The following DENND2A variants were observed in gnomAD, a reference collection of about 807,000 sequenced individuals.
DENND2A encodes DENN domain containing 2A.
DENND2A carries 53 observed loss-of-function variants against 105.3 expected under a neutral mutation model. The observed-to-expected ratio is 0.50, with a 90% confidence interval of 0.40 to 0.63. DENND2A has a LOEUF of 0.63. Ranked by LOEUF, DENND2A falls within the 30% of genes least tolerant of loss-of-function variation. The pLI, the probability that DENND2A is intolerant of heterozygous loss-of-function variation, is 0.00. For missense variants in DENND2A, 1,138 were observed against 1,279.6 expected, an observed-to-expected ratio of 0.89 and a Z score of 1.69; for synonymous variants, 522 against 508.4, an observed-to-expected ratio of 1.03 and a Z score of -0.36.
intron 5 of DENND2A, 62 bp from the exon 6 acceptor site, chr7:140,574,070 C>G: frequency 6.3e-7 from 1 of 1,575,468 alleles, no homozygotes; most frequent in Non-Finnish European, 8.7e-7. Context: ...CGGGGGATAA[C>G]TGGTGGTGCC....
chr7:140,567,065 G>A (rs1797867834), intron 9 of DENND2A, 21 bp downstream of exon 9: 1 of 1,551,362 alleles, frequency 6.4e-7, no homozygotes. Flanking sequence ...GCAGGCCACA[G>A]GGACCTGGCC....
chr7:140,521,820 G>C, intron 18 of DENND2A, 35 bp downstream of exon 18: 2 of 1,609,330 alleles, frequency 1.2e-6, no homozygotes, highest in South Asian at 1.1e-5. Flanking sequence ...GGGAGCTCTA[G>C]CTGACTCGGC....
intron 6 of DENND2A, among the ~76,000 whole-genome samples, chr7:140,570,188 C>T (rs1216997688): frequency 6.6e-6 from 1 of 152,184 alleles, no homozygotes; most frequent in South Asian, 2.1e-4. Context: ...AGCCACCGCA[C>T]CCAGCCCAGT....
intron 3 of DENND2A, among the ~76,000 whole-genome samples, chr7:140,590,590 C>A (rs1355795503): frequency 6.6e-6 from 1 of 152,110 alleles, no homozygotes; most frequent in Non-Finnish European, 1.5e-5. Flanking sequence ...TCAGGCCAGA[C>A]ACAGTGGCTC....
At chr7:140,634,023 G>C (rs1478152686) in intron 1 of DENND2A, among the ~76,000 whole-genome samples, 17 of 147,472 alleles carry the variant, frequency 1.2e-4, no homozygotes, top group Admixed American at 1.4e-4. Flanking sequence ...TTCCGAGACA[G>C]AGTCTCGCTC....
chr7:140,561,023 A>AT lies in DENND2A; in HGVS notation c.1780-1207dup, dbSNP rs923509588. ...TTTTGCTTATGAACAGAAATTTGTG[A>AT]TTTTTTTTCTTTCTATGTATAAATA... On this transcript the variant is annotated intron_variant, in intron 9 of 19. Transcript: ENST00000496613. 8.2e-4 allele frequency among the ~76,000 whole-genome samples: 125 copies of AT among 151,934 alleles called. 1 individual carries two copies. Among genetic ancestry groups the AT allele is most frequent in the Middle Eastern group, 6.8e-3 (2 of 294 alleles).
At chr7:140,626,428 CGG>C (rs2130730448) in intron 1 of DENND2A, among the ~76,000 whole-genome samples, 1 of 152,282 alleles carries the variant, frequency 6.6e-6, no homozygotes, top group South Asian at 2.1e-4. Context: ...AAGGACCACC[CGG>C]TGTGATCTGT....
At position 140,602,391 on chromosome 7, in the gene DENND2A, T is replaced by C; in HGVS notation, c.7A>G (p.Met3Val). The C allele has an allele frequency of 1.3e-6, 2 of 1,565,578 alleles. No homozygotes were observed. The highest frequency in any genetic ancestry group is 1.7e-6 in the Non-Finnish European group (2 of 1,159,038). MDMFSLDMIISDP... is the reference protein window; with the variant it reads MDVFSLDMIISDP... ...CTGATGATCATATCCAAGCTGAACATATCCATTCTTGACTCTAGCGTGAGG... is the reference window on the plus strand; with the variant it reads ...CTGATGATCATATCCAAGCTGAACACATCCATTCTTGACTCTAGCGTGAGG... The change falls in exon 3 of 20, where the codon ATG becomes GTG. Residue 3 changes from methionine to valine, a missense_variant. This residue lies in a region of DENND2A where 511 missense variants were observed against 499.9 expected (regional missense o/e 1.02). Coordinates refer to ENST00000496613, the MANE Select transcript of DENND2A (RefSeq NM_015689.5).
chr7:140,632,149 C>T (rs1383830911), intron 1 of DENND2A, among the ~76,000 whole-genome samples: 2 of 152,082 alleles, frequency 1.3e-5, no homozygotes, highest in Admixed American at 1.3e-4. Flanking sequence ...ACATGAAATG[C>T]CAAATAAAAT....
At chr7:140,629,074 T>C (rs1295310261) in intron 1 of DENND2A, among the ~76,000 whole-genome samples, 1 of 152,194 alleles carries the variant, frequency 6.6e-6, no homozygotes, top group Non-Finnish European at 1.5e-5. Flanking sequence ...AGGGAATGCC[T>C]GACACGCCCT....
chr7:140,555,645 G>A lies in DENND2A; in HGVS notation c.2028C>T (p.Leu676=). ...AGGTCCAAGTTCTCACCCTTGAAAA[G>A]AGGCTGAAGCATCCCAGGCGGCTCA... ...CIVSRLGCFS[L]FSRILDEVEK... The change falls in exon 12 of 20, where the codon CTC becomes CTT. Residue 676 remains leucine (L), a synonymous_variant. Coordinates refer to ENST00000496613, the MANE Select transcript of DENND2A (RefSeq NM_015689.5). 7 of 1,611,204 alleles carry A rather than the reference G, an allele frequency of 4.3e-6. No homozygotes were observed. Among genetic ancestry groups the A allele is most frequent in the Non-Finnish European group, 5.9e-6 (7 of 1,178,990 alleles).
chr7:140,624,365 A>C (rs1800421558), intron 1 of DENND2A, among the ~76,000 whole-genome samples: 1 of 120,786 alleles, frequency 8.3e-6, no homozygotes, highest in South Asian at 2.6e-4. Flanking sequence ...AACAACAACA[A>C]CACAACAACA....
Position 140,559,669 on chromosome 7 carries a change from T to C in DENND2A, c.1889+39A>G. On this transcript the variant is annotated intron_variant, in intron 10 of 19. Transcript: ENST00000496613. This position sits in a 1 kb window ranked among gnomAD's most constrained non-coding sequence, Gnocchi z 4.1. ...GTAACCCCGTCTCTAAGTCTCGCCT[T>C]AGTCTTTGGGGCTGCGAAGGGGAGA... 6.7e-7 allele frequency: 1 copy of C among 1,484,496 alleles called. No individual in the cohort carries two copies. Among genetic ancestry groups the C allele is most frequent in the Non-Finnish European group, 9.4e-7 (1 of 1,063,944 alleles). The allele number at this position is 1,484,496 out of a possible 1,614,324, so 92.0% of individuals were successfully genotyped here.
intron 14 of DENND2A, chr7:140,544,414 C>G: frequency 1.5e-6 from 1 of 657,422 alleles, no homozygotes; most frequent in Non-Finnish European, 2.7e-6. Flanking sequence ...AGGCTGGCCT[C>G]GAACTCCTGG....
chr7:140,594,458 C>A lies in DENND2A; in HGVS notation c.996-6678G>T, dbSNP rs550651038. On this transcript the variant is annotated intron_variant, in intron 3 of 19. Transcript: ENST00000496613. The stretch of plus-strand genomic sequence containing the variant: ...ACTGAACGTCCACTCCCCACCCTCC[C>A]GCTGGCCCGAGCGTCACTTCCTCTT... Among the ~76,000 whole-genome samples the A allele has an allele frequency of 1.2e-4, 18 of 152,180 alleles. 3 individuals are homozygous for A. The South Asian group carries it at 3.7e-3, about 32-fold the overall frequency.
chr7:140,556,426 C>T (rs959530506), intron 11 of DENND2A, among the ~76,000 whole-genome samples: 10 of 152,132 alleles, frequency 6.6e-5, no homozygotes, highest in African/African-American at 2.2e-4. Context: ...GCACCCTCCA[C>T]TTCCCAGGTT....
intron 3 of DENND2A, among the ~76,000 whole-genome samples, chr7:140,598,005 T>C (rs1337522526): frequency 3.6e-5 from 5 of 140,212 alleles, no homozygotes; most frequent in Non-Finnish European, 7.9e-5. Flanking sequence ...TCATCCTGTA[T>C]GTATTCTGCA....
intron 9 of DENND2A, among the ~76,000 whole-genome samples, chr7:140,563,947 C>G (rs78821987): frequency 6.6e-6 from 1 of 152,018 alleles, no homozygotes; most frequent in Non-Finnish European, 1.5e-5. Context: ...CCACTCCATG[C>G]CATCCTGGAT....
In DENND2A at chr7:140,534,232, G is replaced by C. The variant is rs568629672; in HGVS notation, c.2328-6737C>G. On this transcript the variant is annotated intron_variant, in intron 14 of 19. Transcript: ENST00000496613. ...CCCGAGTTGCTGGGATTACAGGCAC[G>C]TGCCACCACGCCCAGCTAATTTTTG... Among the ~76,000 whole-genome samples the C allele has an allele frequency of 2.1e-4, 32 of 151,954 alleles. No homozygotes were observed. In the East Asian group the frequency reaches 5.8e-3, roughly 28 times the overall value.
Sources: gnomAD v4.1 joint callset for allele counts (sites outside exome capture counted in the v4.1 genomes callset) on GRCh38, gnomAD v4.1.1 for gene constraint, gnomAD v4.1.1 regional missense constraint, Gnocchi (gnomAD v3.1) non-coding constraint, MANE v1.5 for transcripts, NCBI Gene and HGNC (gene_info 2026-07-23, HGNC 2026-07-21) for gene names.